TBC1D5: variants seen among roughly 807,000 people sequenced by gnomAD.
The protein encoded by TBC1D5 is TBC1 domain family member 5.
TBC1D5 carries 75 observed loss-of-function variants against 100.3 expected under a neutral mutation model. That is an observed-to-expected ratio of 0.75 (90% CI 0.62 to 0.91). TBC1D5 has a LOEUF of 0.91. Ranked by LOEUF, TBC1D5 falls within the 40% of genes least tolerant of loss-of-function variation. The probability of loss-of-function intolerance (pLI) is 0.00; values close to 1 mark genes in which losing one functional copy is unlikely to be tolerated. For missense variants in TBC1D5, 910 were observed against 942.4 expected (o/e 0.97, Z 0.45); for synonymous variants, 323 against 325.6 (o/e 0.99, Z 0.09).
intron 1 of TBC1D5, among the ~76,000 whole-genome samples, chr3:17,722,506 C>T (rs549443861): frequency 2.0e-5 from 3 of 152,330 alleles, no homozygotes; most frequent in East Asian, 1.9e-4. Context: ...TCTGGTGTCA[C>T]ATCTGCACTC....
At chr3:17,621,470 G>T (rs1477774496) in intron 2 of TBC1D5, among the ~76,000 whole-genome samples, 1 of 152,192 alleles carries the variant, frequency 6.6e-6, no homozygotes, top group African/African-American at 2.4e-5. Context: ...TCTTTTGTCA[G>T]AAATTAAGGA....
chr3:17,348,963 C>T (rs2090237044), intron 13 of TBC1D5, among the ~76,000 whole-genome samples: 1 of 152,038 alleles, frequency 6.6e-6, no homozygotes, highest in African/African-American at 2.4e-5. Flanking sequence ...ACTACAAATT[C>T]TATCATTACC....
intron 1 of TBC1D5, among the ~76,000 whole-genome samples, chr3:17,677,673 G>A (rs1338904842): frequency 6.6e-6 from 1 of 152,170 alleles, no homozygotes; most frequent in Non-Finnish European, 1.5e-5. Context: ...TATAAATCAT[G>A]CTGCTATAAA....
At chr3:17,308,014 C>G in exon 14 of TBC1D5, 1 of 1,603,904 alleles carries the variant, frequency 6.2e-7, no homozygotes, top group Non-Finnish European at 8.5e-7. Flanking sequence ...TGTAAAGTAA[C>G]ATGGCTACGA....
chr3:17,670,160 T>A (rs2067774807), intron 1 of TBC1D5, among the ~76,000 whole-genome samples: 1 of 152,194 alleles, frequency 6.6e-6, no homozygotes, highest in Admixed American at 6.5e-5. Flanking sequence ...AGTGCTGGGA[T>A]TACAGGAGTG....
intron 3 of TBC1D5, among the ~76,000 whole-genome samples, chr3:17,444,301 T>A (rs1172513047): frequency 6.6e-6 from 1 of 152,038 alleles, no homozygotes; most frequent in East Asian, 1.9e-4. Flanking sequence ...CATAATGTGA[T>A]GCAATTACAT....
chr3:17,368,089 T>A (rs189977138), intron 13 of TBC1D5, among the ~76,000 whole-genome samples: 2,571 of 152,274 alleles, frequency 0.017, 26 homozygotes, highest in Admixed American at 0.028. Context: ...TAACAAAAAA[T>A]TTTTAATCAT....
intron 3 of TBC1D5, among the ~76,000 whole-genome samples, chr3:17,472,314 T>A (rs1407434237): frequency 2.0e-5 from 3 of 151,998 alleles, no homozygotes; most frequent in African/African-American, 7.3e-5. Flanking sequence ...AATTTTTGTA[T>A]TTTTTGTAGA....
At chr3:17,702,447 T>A (rs573095088) in intron 1 of TBC1D5, 1 of 151,996 alleles carries the variant, frequency 6.6e-6, no homozygotes, top group East Asian at 1.9e-4. Flanking sequence ...AGAACAGATA[T>A]AATAATGGGT....
At chr3:17,588,939 T>C (rs1311001643) in intron 2 of TBC1D5, among the ~76,000 whole-genome samples, 1 of 152,226 alleles carries the variant, frequency 6.6e-6, no homozygotes, top group Non-Finnish European at 1.5e-5. Context: ...TTTCTTGTCT[T>C]AACAAGGTTG....
rs776131746 is a variant in TBC1D5 at position 17,167,758 on chromosome 3, T to A, written c.1923A>T (p.Gly641=). ...AGAGCAATGCACATACCTGTTTTAA[T>A]CCTGCCAGGGAAACCAGAATTTGAT... The change falls in exon 20 of 22, where the codon GGA becomes GGT. Residue 641 remains glycine, a synonymous_variant. Coordinates refer to ENST00000253692, the Ensembl canonical transcript of TBC1D5. The A allele has an allele frequency of 1.9e-6, 3 of 1,613,928 alleles. No individual in the cohort carries two copies. The South Asian group carries it at 3.3e-5, about 18-fold the overall frequency.
At chr3:17,552,524 C>T (rs984037148) in intron 2 of TBC1D5, among the ~76,000 whole-genome samples, 4 of 152,064 alleles carry the variant, frequency 2.6e-5, no homozygotes. Flanking sequence ...AGAGCAATTA[C>T]TAAAAATGGA....
intron 18 of TBC1D5, among the ~76,000 whole-genome samples, chr3:17,199,752 T>C (rs148711845): frequency 6.6e-6 from 1 of 152,302 alleles, no homozygotes; most frequent in African/African-American, 2.4e-5. Context: ...GTGATGATGA[T>C]CAAGAGGCCA....
chr3:17,647,993 C>T (rs1363339330), intron 1 of TBC1D5, among the ~76,000 whole-genome samples: 1 of 152,050 alleles, frequency 6.6e-6, no homozygotes, highest in Non-Finnish European at 1.5e-5. Context: ...TTTTAAAATT[C>T]GTATGAAACT....
chr3:17,455,902 C>T (rs1161026949), intron 3 of TBC1D5, among the ~76,000 whole-genome samples: 1 of 152,090 alleles, frequency 6.6e-6, no homozygotes, highest in Non-Finnish European at 1.5e-5. Context: ...TCAAATTATA[C>T]TGCAGATCTA....
At position 17,215,269 on chromosome 3, in the gene TBC1D5, C is replaced by T. The variant is rs115138368; in HGVS notation, c.1589-899G>A. ...GCAGAGGAACCAATTTTTGCTAACG[C>T]AAAAATGTAAGTACTCAGAATGATC... On this transcript the variant is annotated intron_variant, in intron 17 of 21. Coordinates refer to ENST00000253692, the Ensembl canonical transcript of TBC1D5. Among the ~76,000 whole-genome samples the T allele has an allele frequency of 7.5e-3, 1,140 of 152,014 alleles. 9 individuals are homozygous for T. The highest frequency in any genetic ancestry group is 0.025 in the African/African-American group (1,051 of 41,444).
intron 2 of TBC1D5, among the ~76,000 whole-genome samples, chr3:17,517,129 T>C (rs2096000490): frequency 6.6e-6 from 1 of 152,216 alleles, no homozygotes; most frequent in African/African-American, 2.4e-5. Context: ...CACCTTGATC[T>C]AGGTCACACT....
At chr3:17,694,396 C>A (rs1052933849) in intron 1 of TBC1D5, among the ~76,000 whole-genome samples, 1 of 152,098 alleles carries the variant, frequency 6.6e-6, no homozygotes, top group African/African-American at 2.4e-5. Flanking sequence ...GTAGAGAAGA[C>A]CTTAAATGAT....
At chr3:17,440,405 C>T (rs2094626805) in intron 3 of TBC1D5, among the ~76,000 whole-genome samples, 1 of 152,136 alleles carries the variant, frequency 6.6e-6, no homozygotes, top group Non-Finnish European at 1.5e-5. Context: ...GTGGGCAGAT[C>T]ACTTGAGCTC....
Sources: allele counts gnomAD v4.1 joint callset (sites outside exome capture counted in the v4.1 genomes callset), GRCh38; gene constraint gnomAD v4.1.1; transcripts MANE v1.5; gene names NCBI Gene and HGNC (gene_info 2026-07-23, HGNC 2026-07-21).